DDX60: variants seen among roughly 807,000 people sequenced by gnomAD.
The protein encoded by DDX60 is DExD/H-box helicase 60, also known as probable ATP-dependent RNA helicase DDX60.
In DDX60, 165 loss-of-function variants were observed where a neutral mutation model predicts 212.8. The observed-to-expected ratio is 0.78, with a 90% CI of 0.68 to 0.88. DDX60 has a LOEUF of 0.88. Ranked by LOEUF, DDX60 falls within the 40% of genes least tolerant of loss-of-function variation. DDX60 has a pLI of 0.00. For missense variants in DDX60, 1,905 were observed against 2,003.9 expected (o/e 0.95, Z 0.94); for synonymous variants, 703 against 685.3 (o/e 1.03, Z -0.40).
intron 28 of DDX60, 42 bp downstream of exon 28, chr4:168,250,912 C>T (rs751375223): frequency 1.3e-5 from 19 of 1,451,558 alleles, no homozygotes; most frequent in Admixed American, 2.0e-5. Context: ...CAGCTTGAAA[C>T]AGTCACAATT....
intron 37 of DDX60, among the ~76,000 whole-genome samples, chr4:168,219,325 C>T (rs981924118): frequency 2.6e-5 from 4 of 151,830 alleles, no homozygotes; most frequent in African/African-American, 9.7e-5. Flanking sequence ...ACCTTTATAG[C>T]TCAAATGCTT....
intron 4 of DDX60, among the ~76,000 whole-genome samples, chr4:168,307,589 A>G (rs1231724896): frequency 6.6e-6 from 1 of 152,082 alleles, no homozygotes; most frequent in East Asian, 1.9e-4. Context: ...GATTACAGGC[A>G]TGCACCACCG....
At chr4:168,230,478 T>C (rs1233208857) in intron 33 of DDX60, among the ~76,000 whole-genome samples, 1 of 151,750 alleles carries the variant, frequency 6.6e-6, no homozygotes. Context: ...AAAACAAGCC[T>C]CAATAAGTGA....
intron 1 of DDX60, among the ~76,000 whole-genome samples, chr4:168,315,277 T>A (rs1737314678): frequency 6.6e-6 from 1 of 152,234 alleles, no homozygotes; most frequent in Non-Finnish European, 1.5e-5. Context: ...GATGTTTTGA[T>A]AAAATAAAGC....
chr4:168,268,471 A>G (rs1292780448), intron 20 of DDX60, among the ~76,000 whole-genome samples: 1 of 152,194 alleles, frequency 6.6e-6, no homozygotes, highest in Non-Finnish European at 1.5e-5. Flanking sequence ...AGAATTTGCT[A>G]TCTTTCTAAA....
intron 25 of DDX60, among the ~76,000 whole-genome samples, chr4:168,257,025 T>C (rs1037641165): frequency 1.3e-5 from 2 of 152,192 alleles, no homozygotes; most frequent in Non-Finnish European, 2.9e-5. Context: ...AATAGTAAAA[T>C]TCAAGTTATA....
At chr4:168,284,973 T>C in intron 11 of DDX60, 38 bp from the exon 12 acceptor site, 2 of 1,009,322 alleles carry the variant, frequency 2.0e-6, no homozygotes, top group Non-Finnish European at 3.0e-6. Flanking sequence ...AATTGCACAC[T>C]TCCAAATATA....
At chr4:168,274,513 A>G (rs1735243571) in intron 16 of DDX60, among the ~76,000 whole-genome samples, 1 of 152,210 alleles carries the variant, frequency 6.6e-6, no homozygotes, top group Admixed American at 6.5e-5. Context: ...CCATCCCTTC[A>G]GCCGAAGAAT....
rs1299280969 is a variant in DDX60, at chr4:168,305,629, T to C, written c.606+750A>G. Among the ~76,000 whole-genome samples the C allele has an allele frequency of 5.4e-5, 8 of 148,894 alleles. 1 individual carries two copies. Among genetic ancestry groups the C allele is most frequent in the Admixed American group, 4.0e-4 (6 of 14,872 alleles). On this transcript the variant is annotated intron_variant, in intron 5 of 37. Coordinates refer to ENST00000393743, the MANE Select transcript of DDX60 (RefSeq NM_017631.6). ...TAAATTTATTATAATTTCTATTATATATTATATTATTATAGCTATCATTTA... is the reference window on the plus strand; with the variant it reads ...TAAATTTATTATAATTTCTATTATACATTATATTATTATAGCTATCATTTA...
At chr4:168,276,987 A>C (rs1296406305) in intron 14 of DDX60, among the ~76,000 whole-genome samples, 1 of 152,222 alleles carries the variant, frequency 6.6e-6, no homozygotes. Flanking sequence ...GTTGGAGAGA[A>C]CATGGAGGTC....
intron 6 of DDX60, among the ~76,000 whole-genome samples, chr4:168,295,011 A>G (rs1035328879): frequency 6.6e-6 from 1 of 152,242 alleles, no homozygotes; most frequent in Non-Finnish European, 1.5e-5. Flanking sequence ...AGGCAAATGC[A>G]AATTAAAACT....
At chr4:168,223,343 G>A (rs148306450) in intron 35 of DDX60, among the ~76,000 whole-genome samples, 1 of 152,062 alleles carries the variant, frequency 6.6e-6, no homozygotes, top group Non-Finnish European at 1.5e-5. Flanking sequence ...ATTTTAAGAG[G>A]TTATAACTTA....
chr4:168,234,359 T>A (rs1489671307), intron 33 of DDX60, among the ~76,000 whole-genome samples: 1 of 152,080 alleles, frequency 6.6e-6, no homozygotes. Context: ...ACTTTTTCCA[T>A]GTGATTCATG....
intron 14 of DDX60, 116 bp downstream of exon 14, chr4:168,280,219 T>G: frequency 1.5e-6 from 2 of 1,301,108 alleles, no homozygotes; most frequent in Non-Finnish European, 2.1e-6. Flanking sequence ...ATGTATAAAG[T>G]AAGATAGGGC....
chr4:168,281,108 C>A (rs1229522032), intron 13 of DDX60, among the ~76,000 whole-genome samples: 2 of 152,122 alleles, frequency 1.3e-5, no homozygotes, highest in African/African-American at 4.8e-5. Flanking sequence ...CCACTGCACT[C>A]CAGCCTGGGC....
chr4:168,234,243 T>A (rs1368727771), intron 33 of DDX60, among the ~76,000 whole-genome samples: 2 of 152,122 alleles, frequency 1.3e-5, no homozygotes, highest in African/African-American at 4.8e-5. Context: ...TGGTGTGTTA[T>A]CTTTAATCAG....
At chr4:168,297,295 G>GATGA (rs1256663213) in intron 6 of DDX60, among the ~76,000 whole-genome samples, 1 of 89,582 alleles carries the variant, frequency 1.1e-5, no homozygotes, top group Non-Finnish European at 2.1e-5. Context: ...GAGAGAGAGA[G>GATGA]ACGAAAGAAA....
rs148811793 is a variant in DDX60 at position 168,309,637 on chromosome 4, A to T, written c.74+1361T>A. Among the ~76,000 whole-genome samples the T allele has an allele frequency of 2.9e-3, 439 of 152,294 alleles. 1 individual carries two copies. Among genetic ancestry groups the T allele is most frequent in the African/African-American group, 0.01 (418 of 41,564 alleles). ...TGACAAAGCAAAAGGAAGACGAAAT[A>T]TCTAAAACTGGAAAATCTAATGCCA... On this transcript the variant is annotated intron_variant, in intron 3 of 37. Transcript: ENST00000393743.
Position 168,237,267 on chromosome 4 carries a change from T to C in DDX60, c.4411+19A>G, listed in dbSNP as rs765781389. 2 of 1,496,870 alleles carry C rather than the reference T, an allele frequency of 1.3e-6. No individual in the cohort carries two copies. Among genetic ancestry groups the C allele is most frequent in the South Asian group, 1.5e-5 (1 of 68,242 alleles). 92.7% of individuals were successfully genotyped at this position (1,496,870 alleles called of 1,614,324 possible). A position where few individuals can be genotyped will look rare whatever the true frequency, so the allele number is the denominator to read the frequency against. ...TTTGGACTCTCTCTCTACATATATA[T>C]ATAAAATCTCAAGCTTACCTTTCCT... On this transcript the variant is annotated intron_variant, in intron 32 of 37. Coordinates refer to ENST00000393743, the MANE Select transcript of DDX60 (RefSeq NM_017631.6).
Sources: gnomAD v4.1 joint callset for allele counts (sites outside exome capture counted in the v4.1 genomes callset) on GRCh38, gnomAD v4.1.1 for gene constraint, MANE v1.5 for transcripts, NCBI Gene and HGNC (gene_info 2026-07-23, HGNC 2026-07-21) for gene names.